The following BNC2 variants were observed in gnomAD, a reference collection of about 807,000 sequenced individuals.
The protein encoded by BNC2 is zinc finger protein basonuclin-2.
BNC2 carries 20 observed loss-of-function variants against 76.3 expected under a neutral mutation model. That is an observed-to-expected ratio of 0.26 (90% CI 0.18 to 0.38). The LOEUF is 0.38. Among genes scored for constraint, BNC2 ranks in the 10% least tolerant of loss-of-function variants. BNC2 has a pLI of 1.00. For synonymous variants in BNC2, 582 were observed against 514.8 expected, an observed-to-expected ratio of 1.13 and a Z score of -1.77; for missense variants, 1,382 against 1,399.8, an observed-to-expected ratio of 0.99 and a Z score of 0.20.
chr9:16,816,118 C>T (rs989702282), intron 1 of BNC2, among the ~76,000 whole-genome samples: 5 of 152,018 alleles, frequency 3.3e-5, no homozygotes, highest in African/African-American at 7.2e-5. Flanking sequence ...ACCTGACAAA[C>T]GGTAGCAGAG....
intron 3 of BNC2, among the ~76,000 whole-genome samples, chr9:16,583,295 A>G (rs953044458): frequency 6.6e-6 from 1 of 152,224 alleles, no homozygotes; most frequent in Non-Finnish European, 1.5e-5. Context: ...ACAATGTTTT[A>G]GGTCATTCAC....
intron 1 of BNC2, among the ~76,000 whole-genome samples, chr9:16,828,023 C>G (rs1315240257): frequency 6.6e-6 from 1 of 152,164 alleles, no homozygotes; most frequent in Non-Finnish European, 1.5e-5. Context: ...ACTACTAACA[C>G]TAAATGATCT....
rs1563783070 is a variant in BNC2 at position 16,437,095 on chromosome 9, T to G, written c.1099A>C (p.Ser367Arg). 1 of 1,614,166 alleles carries G rather than the reference T, an allele frequency of 6.2e-7. No individual in the cohort carries two copies. The highest frequency in any genetic ancestry group is 2.2e-5 in the East Asian group (1 of 44,862). ...GGTGTGGGAGAAACTTCGGATTCGC[T>G]GCTCTCATTATATTCATTCTGAGTT... ...LSTQNEYNESSESEVSPTPYK... is the reference protein window; with the variant it reads ...LSTQNEYNESRESEVSPTPYK... The change falls in exon 6 of 7, where the codon AGC becomes CGC. Residue 367 changes from serine (S) to arginine (R), a missense_variant. By Grantham distance (110) the Ser-to-Arg change is moderately radical (BLOSUM62 -1). Transcript: ENST00000380672.
In BNC2 at chr9:16,419,549, C is replaced by T. The variant is rs1385446031; in HGVS notation, c.2740G>A (p.Asp914Asn). 11 of 1,613,986 alleles carry T rather than the reference C, an allele frequency of 6.8e-6. No individual in the cohort carries two copies. The highest frequency in any genetic ancestry group is 2.2e-5 in the East Asian group (1 of 44,850). ...CCATATATCTTCACCAAAAATTCAT[C>T]GCGGAGGTCCTTGCTAAGGGAGGGC... ...SQPSLSKDLR[D>N]EFLVKIYGAQ... The change falls in exon 7 of 7, where the codon GAT becomes AAT. Residue 914 changes from aspartate to asparagine, a missense_variant. By Grantham distance (23) the Asp-to-Asn change is conservative. This residue lies in a region of BNC2 where 798 missense variants were observed against 775.5 expected (regional missense o/e 1.03). Transcript: ENST00000380672.
intron 1 of BNC2, among the ~76,000 whole-genome samples, chr9:16,860,048 G>T (rs949231632): frequency 6.6e-6 from 1 of 150,588 alleles, no homozygotes; most frequent in Non-Finnish European, 1.5e-5. Context: ...CTTGAACCAG[G>T]GAGGTGGAGG....
At chr9:16,534,611 C>T (rs1037496818) in intron 5 of BNC2, among the ~76,000 whole-genome samples, 3 of 152,096 alleles carry the variant, frequency 2.0e-5, no homozygotes, top group South Asian at 2.1e-4. Context: ...CTCTCTTTAT[C>T]GTCTTTTGTA....
At position 16,437,468 on chromosome 9, in the gene BNC2, G is replaced by T; in HGVS notation, c.726C>A (p.Ile242=). 2 of 1,613,794 alleles carry T rather than the reference G, an allele frequency of 1.2e-6. No individual in the cohort carries two copies. The highest frequency in any genetic ancestry group is 1.7e-6 in the Non-Finnish European group (2 of 1,179,974). ...ACCGCAGAAACTGCTGAAGGGTGATGATTTCCTCTTCTCGAGACATGATGG... is the reference window on the plus strand; with the variant it reads ...ACCGCAGAAACTGCTGAAGGGTGATTATTTCCTCTTCTCGAGACATGATGG... ...RWAIMSREEE[I]ITLQQFLRFG... The change falls in exon 6 of 7, where the codon ATC becomes ATA. Residue 242 remains isoleucine (I), a synonymous_variant. Transcript: ENST00000380672.
intron 1 of BNC2, among the ~76,000 whole-genome samples, chr9:16,836,691 T>C (rs1050237122): frequency 2.0e-5 from 3 of 152,128 alleles, no homozygotes; most frequent in Non-Finnish European, 4.4e-5. Flanking sequence ...TAATCACGAA[T>C]TTTAAAGTGA....
intron 1 of BNC2, among the ~76,000 whole-genome samples, chr9:16,820,002 G>A (rs1391502971): frequency 6.6e-6 from 1 of 150,824 alleles, no homozygotes; most frequent in African/African-American, 2.4e-5. Flanking sequence ...GTGGGTGCCT[G>A]TAATCCCAGC....
At chr9:16,798,710 A>C (rs915323219) in intron 1 of BNC2, among the ~76,000 whole-genome samples, 1 of 152,228 alleles carries the variant, frequency 6.6e-6, no homozygotes, top group Non-Finnish European at 1.5e-5. Context: ...TAGAAATTAT[A>C]GAGGAAATAC....
chr9:16,792,739 T>G (rs1221948532), intron 1 of BNC2, among the ~76,000 whole-genome samples: 4 of 151,982 alleles, frequency 2.6e-5, no homozygotes, highest in Non-Finnish European at 5.9e-5. Flanking sequence ...AAAGCTAGAG[T>G]GCTATAAAAA....
At chr9:16,510,536 A>T (rs1404686423) in intron 5 of BNC2, among the ~76,000 whole-genome samples, 2 of 152,250 alleles carry the variant, frequency 1.3e-5, no homozygotes, top group Non-Finnish European at 2.9e-5. Context: ...CCAAGTCCCG[A>T]CATAGCTACA....
intron 1 of BNC2, among the ~76,000 whole-genome samples, chr9:16,854,206 T>C (rs1348887792): frequency 3.3e-5 from 5 of 152,168 alleles, no homozygotes; most frequent in East Asian, 1.9e-4. Context: ...GGTAAAAAAA[T>C]GACACTAATT....
At chr9:16,513,536 A>T (rs1402490667) in intron 5 of BNC2, among the ~76,000 whole-genome samples, 2 of 151,924 alleles carry the variant, frequency 1.3e-5, no homozygotes, top group Non-Finnish European at 2.9e-5. Context: ...CGATTTCCTG[A>T]CCTCGTGATC....
At chr9:16,830,550 T>TC (rs1485277683) in intron 1 of BNC2, among the ~76,000 whole-genome samples, 1 of 152,224 alleles carries the variant, frequency 6.6e-6, no homozygotes, top group Non-Finnish European at 1.5e-5. Context: ...CTGGATTTTT[T>TC]CGCATTATTT....
intron 3 of BNC2, among the ~76,000 whole-genome samples, chr9:16,609,042 GCCTTGT>G (rs1286229784): frequency 1.8e-4 from 27 of 152,290 alleles, no homozygotes; most frequent in African/African-American, 6.3e-4. Flanking sequence ...CTAGAACACA[GCCTTGT>G]GAAAGATGCG....
intron 5 of BNC2, among the ~76,000 whole-genome samples, chr9:16,525,807 T>C (rs538929418): frequency 3.9e-5 from 6 of 152,320 alleles, no homozygotes; most frequent in Non-Finnish European, 8.8e-5. Flanking sequence ...GAAAGATATG[T>C]TGTGTTTTAC....
chr9:16,575,199 C>T (rs1386684210), intron 4 of BNC2: 2 of 930,618 alleles, frequency 2.1e-6, no homozygotes, highest in Non-Finnish European at 2.6e-6. Flanking sequence ...GACAGAGCCG[C>T]GACGTGAATG....
intron 5 of BNC2, among the ~76,000 whole-genome samples, chr9:16,510,709 T>G (rs1822734303): frequency 6.6e-6 from 1 of 152,172 alleles, no homozygotes; most frequent in African/African-American, 2.4e-5. Context: ...GTAGAGGAAA[T>G]TCCAGGGGAA....
Sources: allele counts gnomAD v4.1 joint callset (sites outside exome capture counted in the v4.1 genomes callset), GRCh38; gene constraint gnomAD v4.1.1; regional missense constraint gnomAD v4.1.1; transcripts MANE v1.5; gene names NCBI Gene and HGNC (gene_info 2026-07-23, HGNC 2026-07-21).